SEM1: variants seen among roughly 807,000 people sequenced by gnomAD.
SEM1 encodes 26S proteasome complex subunit SEM1.
SEM1 carries 3 observed loss-of-function variants against 12.7 expected under a neutral mutation model. That is an observed-to-expected ratio of 0.24 (90% confidence interval 0.11 to 0.61). The LOEUF (loss-of-function observed/expected upper bound fraction) is 0.61, where lower values mean the gene tolerates loss of function less well. Among genes scored for constraint, SEM1 ranks in the 20% least tolerant of loss-of-function variants. The probability of loss-of-function intolerance (pLI) is 0.88; values close to 1 mark genes in which losing one functional copy is unlikely to be tolerated. For synonymous variants in SEM1, 30 were observed against 27.8 expected (o/e 1.08, Z -0.25); for missense variants, 59 against 81.3 (o/e 0.73, Z 1.06).
chr7:96,654,250 A>C (rs950434543), intron 2 of SEM1, among the ~76,000 whole-genome samples: 1 of 152,188 alleles, frequency 6.6e-6, no homozygotes, highest in African/African-American at 2.4e-5. Context: ...ACAACATGAG[A>C]GTCCAGGCCA....
chr7:96,681,916 A>G (rs1789624744), intron 2 of SEM1, among the ~76,000 whole-genome samples: 1 of 151,986 alleles, frequency 6.6e-6, no homozygotes, highest in Non-Finnish European at 1.5e-5. Flanking sequence ...TTCCAATTCT[A>G]TGAAGAAAGT....
intron 3 of SEM1, among the ~76,000 whole-genome samples, chr7:96,504,886 G>C (rs938907892): frequency 6.6e-6 from 1 of 151,614 alleles, no homozygotes. Flanking sequence ...GAAGACACAA[G>C]GTTGTTTTTC....
intron 2 of SEM1, among the ~76,000 whole-genome samples, chr7:96,575,682 A>G (rs1488737963): frequency 6.6e-6 from 1 of 152,238 alleles, no homozygotes; most frequent in Non-Finnish European, 1.5e-5. Context: ...GGAGGAATCC[A>G]GAGAAGCAGT....
intron 2 of SEM1, among the ~76,000 whole-genome samples, chr7:96,555,689 G>A (rs1490274671): frequency 6.9e-6 from 1 of 144,894 alleles, no homozygotes; most frequent in African/African-American, 2.5e-5. Context: ...GGAGAGTTCT[G>A]TAGATGTCTA....
chr7:96,499,778 T>G (rs1178988447), upstream of SEM1, among the ~76,000 whole-genome samples: 1 of 152,190 alleles, frequency 6.6e-6, no homozygotes, highest in Non-Finnish European at 1.5e-5. Context: ...GTAGGCTAGA[T>G]GCATTGCTGT....
At chr7:96,559,758 C>T (rs946615917) in intron 2 of SEM1, among the ~76,000 whole-genome samples, 4 of 152,140 alleles carry the variant, frequency 2.6e-5, no homozygotes, top group Non-Finnish European at 5.9e-5. Flanking sequence ...AACCTAGTTC[C>T]CTTAAGTTAG....
chr7:96,662,385 T>C (rs900113805), intron 2 of SEM1, among the ~76,000 whole-genome samples: 2 of 152,174 alleles, frequency 1.3e-5, no homozygotes, highest in Admixed American at 6.5e-5. Flanking sequence ...TGGATGAAGC[T>C]GGAAGCCATC....
intron 2 of SEM1, among the ~76,000 whole-genome samples, chr7:96,681,209 T>C (rs767168674): frequency 3.3e-5 from 5 of 152,094 alleles, no homozygotes; most frequent in African/African-American, 4.8e-5. Flanking sequence ...CCAGACTACA[T>C]TGGGCTTTAC....
At chr7:96,522,540 A>T (rs1398292150) in intron 2 of SEM1, among the ~76,000 whole-genome samples, 1 of 150,958 alleles carries the variant, frequency 6.6e-6, no homozygotes, top group African/African-American at 2.4e-5. Flanking sequence ...CCAGGTCCAT[A>T]TGCAGAGCTC....
chr7:96,643,789 A>G (rs1808697874), intron 2 of SEM1, among the ~76,000 whole-genome samples: 1 of 152,078 alleles, frequency 6.6e-6, no homozygotes, highest in South Asian at 2.1e-4. Flanking sequence ...GGAACATCAC[A>G]CACCAGGGCC....
chr7:96,533,734 T>G (rs1402187312), intron 2 of SEM1, among the ~76,000 whole-genome samples: 5 of 152,062 alleles, frequency 3.3e-5, no homozygotes, highest in Non-Finnish European at 4.4e-5. Flanking sequence ...GGTTCAAAAG[T>G]ATTTTCATAA....
downstream of SEM1, among the ~76,000 whole-genome samples, chr7:96,618,235 A>G (rs139104930): frequency 6.6e-6 from 1 of 152,236 alleles, no homozygotes; most frequent in Admixed American, 6.5e-5. Flanking sequence ...AGAAGTTTCT[A>G]TTTCTTCCTG....
At chr7:96,582,581 G>C (rs1430783617) in intron 2 of SEM1, among the ~76,000 whole-genome samples, 1 of 151,894 alleles carries the variant, frequency 6.6e-6, no homozygotes, top group Admixed American at 6.6e-5. Flanking sequence ...GGTAGAATTC[G>C]GCTGTGAATC....
chr7:96,609,686 T>C (rs973236745), intron 2 of SEM1, among the ~76,000 whole-genome samples: 2 of 152,170 alleles, frequency 1.3e-5, no homozygotes, highest in African/African-American at 4.8e-5. Context: ...AATTGATACC[T>C]GAGGATTGGA....
chr7:96,618,348 T>C, downstream of SEM1, among the ~76,000 whole-genome samples: 1 of 152,222 alleles, frequency 6.6e-6, no homozygotes, highest in Admixed American at 6.5e-5. Flanking sequence ...TGACATTAGA[T>C]ATTCTGAATA....
downstream of SEM1, among the ~76,000 whole-genome samples, chr7:96,670,839 A>T (rs1490543585): frequency 2.6e-5 from 4 of 152,216 alleles, no homozygotes; most frequent in Admixed American, 6.5e-5. Flanking sequence ...ATGTCTGTAG[A>T]GTACAAACCT....
downstream of SEM1, among the ~76,000 whole-genome samples, chr7:96,684,516 G>A (rs1216850309): frequency 6.6e-6 from 1 of 152,014 alleles, no homozygotes; most frequent in Non-Finnish European, 1.5e-5. Flanking sequence ...GAAAGGGGAA[G>A]GGAAGAATGG....
intron 2 of SEM1, among the ~76,000 whole-genome samples, chr7:96,656,914 T>G (rs73228329): frequency 0.081 from 12,260 of 151,754 alleles, 631 homozygotes; most frequent in African/African-American, 0.13. Context: ...AAGTTGGGCT[T>G]ATTTATAAGT....
intron 1 of SEM1, among the ~76,000 whole-genome samples, chr7:96,707,883 T>C (rs561052115): frequency 3.9e-5 from 6 of 152,368 alleles, no homozygotes; most frequent in South Asian, 4.1e-4. Flanking sequence ...CATGCATTTA[T>C]TGACCACCTA....
Sources: gnomAD v4.1 joint callset for allele counts (sites outside exome capture counted in the v4.1 genomes callset) on GRCh38, gnomAD v4.1.1 for gene constraint, MANE v1.5 for transcripts, NCBI Gene and HGNC (gene_info 2026-07-23, HGNC 2026-07-21) for gene names.